Variants in EYS observed in about 807,000 individuals in gnomAD.
EYS encodes EGF-like photoreceptor maintenance factor.
In EYS, 250 loss-of-function variants were observed where a neutral mutation model predicts 282.1. The observed-to-expected ratio is 0.89, with a 90% CI of 0.80 to 0.98. EYS has a LOEUF of 0.98. Among genes scored for constraint, EYS ranks in the 50% least tolerant of loss-of-function variants. The pLI, the probability that EYS is intolerant of heterozygous loss-of-function variation, is 0.00. For synonymous variants in EYS, 1,355 were observed against 1,282.9 expected, an observed-to-expected ratio of 1.06 and a Z score of -1.20; for missense variants, 4,016 against 3,709.0, an observed-to-expected ratio of 1.08 and a Z score of -2.15.
At chr6:65,252,928 G>GA (rs1204761081) in intron 12 of EYS, among the ~76,000 whole-genome samples, 1 of 151,848 alleles carries the variant, frequency 6.6e-6, no homozygotes, top group Non-Finnish European at 1.5e-5. Context: ...GAGAATTGGT[G>GA]AAAAAAGTGA....
intron 22 of EYS, 131 bp from the exon 23 acceptor site, chr6:64,626,376 G>A (rs1767611081): frequency 1.9e-6 from 2 of 1,047,456 alleles, no homozygotes; most frequent in African/African-American, 3.3e-5. Context: ...GCCTTCCTTG[G>A]GGTGACAATG....
intron 22 of EYS, among the ~76,000 whole-genome samples, chr6:64,769,130 C>T (rs1773447365): frequency 6.6e-6 from 1 of 152,068 alleles, no homozygotes; most frequent in Non-Finnish European, 1.5e-5. Flanking sequence ...ATGAAAACTA[C>T]ATGGCGTAAT....
At chr6:65,654,545 T>C (rs1767754991) in intron 1 of EYS, among the ~76,000 whole-genome samples, 1 of 151,786 alleles carries the variant, frequency 6.6e-6, no homozygotes, top group Non-Finnish European at 1.5e-5. Context: ...AAATTTGGTT[T>C]TCCTCAAAAC....
At chr6:65,057,524 T>C (rs1773451744) in intron 13 of EYS, 90 bp downstream of exon 13, 7 of 804,940 alleles carry the variant, frequency 8.7e-6, no homozygotes, top group Admixed American at 6.3e-5. Flanking sequence ...AATAATGTTG[T>C]TGGAAGACTG....
chr6:65,435,015 T>C (rs1462340280), intron 5 of EYS, among the ~76,000 whole-genome samples: 1 of 151,906 alleles, frequency 6.6e-6, no homozygotes, highest in African/African-American at 2.4e-5. Flanking sequence ...TGGGTTAGTA[T>C]ATTAAATAAT....
At chr6:64,198,732 G>A (rs571056466) in intron 31 of EYS, among the ~76,000 whole-genome samples, 3 of 152,274 alleles carry the variant, frequency 2.0e-5, no homozygotes, top group African/African-American at 7.2e-5. Flanking sequence ...ATCACTGATG[G>A]GTATTTGGAT....
At chr6:64,342,552 G>C (rs946713476) in intron 29 of EYS, among the ~76,000 whole-genome samples, 3 of 151,908 alleles carry the variant, frequency 2.0e-5, no homozygotes, top group Admixed American at 2.0e-4. Flanking sequence ...CCCTAAAAGA[G>C]CTCCTGAAGG....
chr6:65,655,737 AT>A (rs1767798711), intron 1 of EYS, among the ~76,000 whole-genome samples: 1 of 151,816 alleles, frequency 6.6e-6, no homozygotes, highest in Non-Finnish European at 1.5e-5. Flanking sequence ...CTGCAATCTT[AT>A]GATCAAATTT....
intron 31 of EYS, among the ~76,000 whole-genome samples, chr6:64,115,817 C>T (rs74454186): frequency 0.019 from 2,926 of 152,094 alleles, 79 homozygotes; most frequent in African/African-American, 0.066. Context: ...ACACACACAC[C>T]GTAATATTCT....
intron 12 of EYS, among the ~76,000 whole-genome samples, chr6:65,292,487 G>A (rs957831262): frequency 6.6e-6 from 1 of 151,724 alleles, no homozygotes. Context: ...TAATGTGGAC[G>A]AGATAGTCTT....
intron 8 of EYS, among the ~76,000 whole-genome samples, chr6:65,382,395 G>T (rs1024011524): frequency 2.0e-5 from 3 of 150,788 alleles, no homozygotes; most frequent in African/African-American, 4.9e-5. Flanking sequence ...AATTATCTTA[G>T]TGTTTCTGAG....
chr6:64,919,596 T>C (rs1185668496), intron 15 of EYS, among the ~76,000 whole-genome samples: 1 of 152,050 alleles, frequency 6.6e-6, no homozygotes, highest in Non-Finnish European at 1.5e-5. Context: ...ACACATAATT[T>C]ATAAGTCAAT....
intron 35 of EYS, among the ~76,000 whole-genome samples, chr6:63,935,806 A>T (rs756951065): frequency 6.6e-6 from 1 of 152,232 alleles, no homozygotes; most frequent in Admixed American, 6.5e-5. Context: ...AACCTTTTAC[A>T]TACAATCCTA....
At chr6:64,487,552 A>G (rs1041289843) in intron 26 of EYS, among the ~76,000 whole-genome samples, 8 of 151,002 alleles carry the variant, frequency 5.3e-5, no homozygotes. Flanking sequence ...GTGAAGTGTC[A>G]ATATAAATAT....
At position 64,821,684 on chromosome 6, in the gene EYS, A is replaced by G. The variant is rs923464095; in HGVS notation, c.3204T>C (p.Asp1068=). 2.6e-5 allele frequency: 39 copies of G among 1,528,100 alleles called. 1 individual carries two copies. In the East Asian group the frequency reaches 9.6e-4, roughly 38 times the overall value. The allele number at this position is 1,528,100 out of a possible 1,614,324, so 94.7% of individuals were successfully genotyped here. ...TACATTGTGTGCTAGTCCCATCTGC[A>G]TCACATGAACATGGATATTCATTAA... is the stretch of plus-strand genomic sequence containing the variant. ...ELINEYPCSC[D]ADGTSTQCKI... Residue 1068 remains aspartate, a synonymous_variant, in exon 21 of 43, where the codon GAT becomes GAC. Transcript: ENST00000503581.
chr6:64,179,328 G>A (rs1764725184), intron 31 of EYS, among the ~76,000 whole-genome samples: 1 of 151,966 alleles, frequency 6.6e-6, no homozygotes, highest in Non-Finnish European at 1.5e-5. Context: ...AACTGACAGA[G>A]CATGAGACTC....
chr6:65,066,417 A>G (rs1353152111), intron 12 of EYS, among the ~76,000 whole-genome samples: 1 of 152,186 alleles, frequency 6.6e-6, no homozygotes, highest in Admixed American at 6.5e-5. Flanking sequence ...TTCTCAGGTG[A>G]AATAACAATA....
Position 63,778,036 on chromosome 6 carries a change from C to T in EYS, c.7868G>A (p.Gly2623Glu), listed in dbSNP as rs559824825. ...PCSLMKCGNG[G>E]TCIESGTSVY... ...ACTAGTTCCACTCTCTATGCATGTCCCACCATTGCCACATTTCATTAAACT... is the reference window on the plus strand; with the variant it reads ...ACTAGTTCCACTCTCTATGCATGTCTCACCATTGCCACATTTCATTAAACT... The change falls in exon 40 of 43, where the codon GGG becomes GAG. Residue 2623 changes from glycine to glutamate, a missense_variant. Transcript: ENST00000503581. 3.0e-4 allele frequency: 471 copies of T among 1,551,638 alleles called. 3 individuals are homozygous for T. The South Asian group carries it at 5.2e-3, about 17-fold the overall frequency.
intron 22 of EYS, among the ~76,000 whole-genome samples, chr6:64,803,536 G>A (rs1764326288): frequency 6.6e-6 from 1 of 152,174 alleles, no homozygotes; most frequent in African/African-American, 2.4e-5. Flanking sequence ...TGGCTTGAAG[G>A]TGGGGCATCA....
Sources: gnomAD v4.1 joint callset for allele counts (sites outside exome capture counted in the v4.1 genomes callset) on GRCh38, gnomAD v4.1.1 for gene constraint, MANE v1.5 for transcripts, NCBI Gene and HGNC (gene_info 2026-07-23, HGNC 2026-07-21) for gene names.